RAB27A: variants seen among roughly 807,000 people sequenced by gnomAD.
RAB27A encodes the protein RAB27A, member RAS oncogene family.
In RAB27A, 17 loss-of-function variants were observed where a neutral mutation model predicts 20.8. The observed-to-expected ratio is 0.82, with a 90% CI of 0.56 to 1.23. The LOEUF is 1.23. Ranked by LOEUF, RAB27A falls within the 50% of genes most tolerant of loss-of-function variation. The probability of loss-of-function intolerance (pLI) is 0.00; values close to 1 mark genes in which losing one functional copy is unlikely to be tolerated. For missense variants in RAB27A, 277 were observed against 266.7 expected (o/e 1.04, Z -0.27); for synonymous variants, 85 against 92.8 (o/e 0.92, Z 0.48).
At chr15:55,276,307 C>T (rs973714456) in intron 1 of RAB27A, among the ~76,000 whole-genome samples, 16 of 152,146 alleles carry the variant, frequency 1.1e-4, no homozygotes, top group African/African-American at 3.4e-4. Context: ...ATCCTGCCAC[C>T]TGTGACAATA....
At chr15:55,262,223 T>C (rs887946699) in intron 2 of RAB27A, among the ~76,000 whole-genome samples, 4 of 152,008 alleles carry the variant, frequency 2.6e-5, no homozygotes, top group Non-Finnish European at 5.9e-5. Context: ...TACTTCTTCC[T>C]TTCTAATCTT....
At chr15:55,295,351 G>A (rs2054944548) in intron 2 of RAB27A, among the ~76,000 whole-genome samples, 1 of 152,114 alleles carries the variant, frequency 6.6e-6, no homozygotes, top group African/African-American at 2.4e-5. Flanking sequence ...CTAGAACTAT[G>A]CCTAAAAGAA....
intron 2 of RAB27A, among the ~76,000 whole-genome samples, chr15:55,310,092 G>C (rs748762806): frequency 2.0e-5 from 3 of 152,132 alleles, no homozygotes; most frequent in Non-Finnish European, 4.4e-5. Flanking sequence ...GTTTTTGCTA[G>C]AATGTCTCTC....
At chr15:55,251,317 G>A (rs934409971) in intron 2 of RAB27A, among the ~76,000 whole-genome samples, 4 of 152,162 alleles carry the variant, frequency 2.6e-5, no homozygotes, top group Admixed American at 6.5e-5. Flanking sequence ...AGAGTCTTGA[G>A]AACAACCATC....
intron 2 of RAB27A, among the ~76,000 whole-genome samples, chr15:55,306,145 T>G (rs1310691316): frequency 3.9e-5 from 6 of 152,148 alleles, no homozygotes; most frequent in African/African-American, 1.4e-4. Flanking sequence ...CATTGGGAGT[T>G]GGTTGTGTCT....
chr15:55,248,149 T>C (rs1276720929), intron 2 of RAB27A, among the ~76,000 whole-genome samples: 2 of 152,132 alleles, frequency 1.3e-5, no homozygotes, highest in African/African-American at 4.8e-5. Flanking sequence ...CACAGGAATA[T>C]GTTCTTCAGG....
chr15:55,301,485 G>T (rs766665695), intron 2 of RAB27A, among the ~76,000 whole-genome samples: 13 of 151,906 alleles, frequency 8.6e-5, no homozygotes, highest in Non-Finnish European at 1.5e-4. Flanking sequence ...ACAATTCAGT[G>T]GTTTGCATGC....
chr15:55,303,147 C>G, intron 2 of RAB27A, among the ~76,000 whole-genome samples: 1 of 128,582 alleles, frequency 7.8e-6, no homozygotes, highest in African/African-American at 3.1e-5. Flanking sequence ...GGTCAGCCCC[C>G]CGCCCGGCCA....
chr15:55,208,069 A>G (rs1894738742), intron 6 of RAB27A, among the ~76,000 whole-genome samples: 1 of 152,248 alleles, frequency 6.6e-6, no homozygotes, highest in Non-Finnish European at 1.5e-5. Context: ...GCATCGTCTA[A>G]TGGAATAGAT....
intron 1 of RAB27A, among the ~76,000 whole-genome samples, chr15:55,288,399 T>C (rs867793082): frequency 6.6e-6 from 1 of 152,048 alleles, no homozygotes; most frequent in South Asian, 2.1e-4. Flanking sequence ...CACACACCTG[T>C]AATTCCAGCT....
intron 6 of RAB27A, among the ~76,000 whole-genome samples, chr15:55,221,952 A>G (rs1412842749): frequency 6.6e-6 from 1 of 151,944 alleles, no homozygotes; most frequent in Non-Finnish European, 1.5e-5. Context: ...TCCATCCCCC[A>G]TTTCACATCC....
chr15:55,211,267 G>T (rs1168875836), intron 6 of RAB27A, among the ~76,000 whole-genome samples: 2 of 151,992 alleles, frequency 1.3e-5, no homozygotes, highest in Non-Finnish European at 2.9e-5. Context: ...ATAAATTTTA[G>T]GATTTTTTTC....
At chr15:55,299,815 TC>T (rs1356245732) in intron 2 of RAB27A, among the ~76,000 whole-genome samples, 1 of 151,230 alleles carries the variant, frequency 6.6e-6, no homozygotes, top group Non-Finnish European at 1.5e-5. Context: ...AATCCTAATT[TC>T]TTTTTTTTTC....
intron 1 of RAB27A, among the ~76,000 whole-genome samples, chr15:55,281,449 T>G (rs1362697548): frequency 1.3e-5 from 2 of 152,196 alleles, no homozygotes; most frequent in East Asian, 3.8e-4. Context: ...CAGTGGTTCA[T>G]GCCTGTAATC....
intron 2 of RAB27A, among the ~76,000 whole-genome samples, chr15:55,248,605 AT>A (rs755909965): frequency 1.3e-4 from 20 of 152,368 alleles, no homozygotes; most frequent in Non-Finnish European, 1.2e-4. Context: ...TGGTTTCACC[AT>A]AATGTTAATG....
At chr15:55,215,658 A>AAAAAAAAAAAAAC (rs1895254607) in intron 6 of RAB27A, among the ~76,000 whole-genome samples, 1 of 141,546 alleles carries the variant, frequency 7.1e-6, no homozygotes, top group African/African-American at 2.7e-5. Flanking sequence ...TCTCAAAAAA[A>AAAAAAAAAAAAAC]AAAAAAAGAG....
chr15:55,235,794 G>GTA (rs1222588811), intron 2 of RAB27A, among the ~76,000 whole-genome samples: 8 of 151,802 alleles, frequency 5.3e-5, no homozygotes, highest in Admixed American at 1.3e-4. Flanking sequence ...TTTTTTATCT[G>GTA]TATATATATA....
At chr15:55,271,205 TA>T (rs1897695886) in intron 1 of RAB27A, among the ~76,000 whole-genome samples, 1 of 152,160 alleles carries the variant, frequency 6.6e-6, no homozygotes, top group Non-Finnish European at 1.5e-5. Flanking sequence ...ATCTCCACAA[TA>T]AAATCCCTGC....
intron 1 of RAB27A, among the ~76,000 whole-genome samples, chr15:55,272,818 T>C (rs1237240681): frequency 6.6e-6 from 1 of 152,092 alleles, no homozygotes; most frequent in East Asian, 1.9e-4. Flanking sequence ...TTAGCAGACC[T>C]CGGAAAGCTG....
Sources: gnomAD v4.1 joint callset for allele counts (sites outside exome capture counted in the v4.1 genomes callset) on GRCh38, gnomAD v4.1.1 for gene constraint, MANE v1.5 for transcripts, NCBI Gene and HGNC (gene_info 2026-07-23, HGNC 2026-07-21) for gene names.